Variants in CTIF observed in about 807,000 individuals in gnomAD.
The protein encoded by CTIF is cap binding complex dependent translation initiation factor.
CTIF carries 21 observed loss-of-function variants against 66.0 expected under a neutral mutation model. That is an observed-to-expected ratio of 0.32 (90% confidence interval 0.23 to 0.46). The LOEUF (loss-of-function observed/expected upper bound fraction) is 0.46. Among genes scored for constraint, CTIF ranks in the 20% least tolerant of loss-of-function variants. The probability of loss-of-function intolerance (pLI) is 1.00; values close to 1 mark genes in which losing one functional copy is unlikely to be tolerated. For synonymous variants in CTIF, 345 were observed against 326.4 expected, an observed-to-expected ratio of 1.06 and a Z score of -0.62; for missense variants, 739 against 812.7, an observed-to-expected ratio of 0.91 and a Z score of 1.10.
intron 1 of CTIF, among the ~76,000 whole-genome samples, chr18:48,618,760 G>A (rs1308012646): frequency 6.6e-6 from 1 of 152,216 alleles, no homozygotes; most frequent in Non-Finnish European, 1.5e-5. Flanking sequence ...TAGTGTTCCA[G>A]CCATAGCTGG....
At chr18:48,566,648 A>G (rs780606913) in intron 1 of CTIF, 2 of 152,146 alleles carry the variant, frequency 1.3e-5, no homozygotes, top group Non-Finnish European at 2.9e-5. Context: ...TGTCCCTCCC[A>G]TGCTCTGGGT....
At chr18:48,732,498 C>T (rs912810951) in intron 7 of CTIF, among the ~76,000 whole-genome samples, 1 of 152,178 alleles carries the variant, frequency 6.6e-6, no homozygotes, top group Non-Finnish European at 1.5e-5. Flanking sequence ...CACAGGGCAA[C>T]CACTGCCTCC....
At chr18:48,762,018 T>C (rs572943992) in intron 9 of CTIF, among the ~76,000 whole-genome samples, 30 of 152,330 alleles carry the variant, frequency 2.0e-4, no homozygotes, top group Admixed American at 1.7e-3. Context: ...CCTCTCTACA[T>C]CCAAGCAGAC....
At position 48,816,453 on chromosome 18, in the gene CTIF, A is replaced by G. The variant is rs146476251; in HGVS notation, c.1372-768A>G. On this transcript the variant is annotated intron_variant, in intron 9 of 11. Transcript: ENST00000256413. ...CCTGTGTGGTCTCCACACCTTAGCTATATTAACCTTTCTGTTGAGCACTGG... is the reference window on the plus strand; with the variant it reads ...CCTGTGTGGTCTCCACACCTTAGCTGTATTAACCTTTCTGTTGAGCACTGG... 9.0e-3 allele frequency among the ~76,000 whole-genome samples: 1,364 copies of G among 152,170 alleles called. 7 individuals are homozygous for G. The highest frequency in any genetic ancestry group is 0.014 in the Non-Finnish European group (943 of 67,994).
Position 48,761,454 on chromosome 18 carries a change from T to C in CTIF, c.1136T>C (p.Leu379Pro). 1.2e-6 allele frequency: 2 copies of C among 1,614,152 alleles called. No individual in the cohort carries two copies. The highest frequency in any genetic ancestry group is 1.7e-6 in the Non-Finnish European group (2 of 1,180,042). ...QNKMDKLIEILNSMRNNSSDV... is the reference protein window; with the variant it reads ...QNKMDKLIEIPNSMRNNSSDV... The stretch of plus-strand genomic sequence containing the variant: ...AAGATGGACAAGCTGATCGAGATCC[T>C]GAACAGCATGCGGAACAACAGCAGC... Residue 379 changes from leucine to proline, a missense_variant, in exon 9 of 12, where the codon CTG (leucine) becomes CCG (proline). Leu to Pro is a moderately conservative substitution (Grantham distance 98, BLOSUM62 -3). This residue lies in a region of CTIF where 529 missense variants were observed against 520.3 expected (regional missense o/e 1.02). Coordinates refer to ENST00000256413, the MANE Select transcript of CTIF (RefSeq NM_014772.3). This position sits in a 1 kb window ranked among gnomAD's most constrained non-coding sequence, Gnocchi z 4.2.
At chr18:48,777,559 C>T (rs535009770) in intron 9 of CTIF, among the ~76,000 whole-genome samples, 85 of 152,306 alleles carry the variant, frequency 5.6e-4, no homozygotes, top group Non-Finnish European at 9.7e-4. Flanking sequence ...GGAGGGCCAC[C>T]GAGGTCTCAG....
intron 9 of CTIF, among the ~76,000 whole-genome samples, chr18:48,785,351 G>C (rs972104100): frequency 7.9e-5 from 12 of 152,208 alleles, no homozygotes; most frequent in Non-Finnish European, 1.6e-4. Context: ...CCTGACTTGG[G>C]ATGCCGTTTC....
In CTIF at chr18:48,862,112, G is replaced by A. The variant is rs1435558843; in HGVS notation, c.*2553G>A. 1 of 151,962 alleles carries A rather than the reference G, an allele frequency of 6.6e-6. No individual in the cohort carries two copies. Among genetic ancestry groups the A allele is most frequent in the Non-Finnish European group, 1.5e-5 (1 of 67,988 alleles). The allele number at this position is 151,962 out of a possible 1,614,324, so 9.4% of individuals were successfully genotyped here. ...ATTTGAGACCCCGAGGCAGCTTCCC[G>A]AGGGAGACTGCTCAGACAGGAACTG... On this transcript the variant is annotated 3_prime_UTR_variant, in exon 12 of 12. Transcript: ENST00000256413.
Position 48,859,664 on chromosome 18 carries a change from T to G in CTIF, c.*105T>G. 1 of 1,068,458 alleles carries G rather than the reference T, an allele frequency of 9.4e-7. No homozygotes were observed. Among genetic ancestry groups the G allele is most frequent in the Non-Finnish European group, 1.4e-6 (1 of 699,888 alleles). 66.2% of individuals were successfully genotyped at this position (1,068,458 alleles called of 1,614,324 possible). On this transcript the variant is annotated 3_prime_UTR_variant, in exon 12 of 12. Coordinates refer to ENST00000256413, the MANE Select transcript of CTIF (RefSeq NM_014772.3). ...GGGTGGCCCTGGCGGGAGAAAGAAA[T>G]GGGGAGGAGGGCAGGCAGAGTCGGT...
chr18:48,618,263 T>G (rs919139084), intron 1 of CTIF, among the ~76,000 whole-genome samples: 6 of 152,236 alleles, frequency 3.9e-5, no homozygotes, highest in Admixed American at 1.3e-4. Flanking sequence ...AATGCTCCAT[T>G]AAACCTGCTA....
chr18:48,580,379 T>C (rs1231437856), intron 1 of CTIF, among the ~76,000 whole-genome samples: 1 of 152,070 alleles, frequency 6.6e-6, no homozygotes, highest in Admixed American at 6.5e-5. Flanking sequence ...CCAAGATATC[T>C]CTGTCTAGAT....
chr18:48,666,966 G>A (rs561332965), intron 5 of CTIF, among the ~76,000 whole-genome samples: 2 of 152,244 alleles, frequency 1.3e-5, no homozygotes, highest in South Asian at 2.1e-4. Context: ...ACAGTGTAGC[G>A]GAGCTTGGGT....
At chr18:48,709,259 T>G (rs992072450) in intron 6 of CTIF, among the ~76,000 whole-genome samples, 4 of 152,238 alleles carry the variant, frequency 2.6e-5, no homozygotes, top group African/African-American at 9.6e-5. Context: ...TGTCATGGTT[T>G]ATACACATAC....
At chr18:48,796,025 C>T (rs1048430852) in intron 9 of CTIF, among the ~76,000 whole-genome samples, 1 of 152,138 alleles carries the variant, frequency 6.6e-6, no homozygotes, top group Non-Finnish European at 1.5e-5. Flanking sequence ...GAGATGGAGT[C>T]TTGTCTGCCA....
At chr18:48,831,595 A>G (rs2068693074) in intron 10 of CTIF, among the ~76,000 whole-genome samples, 1 of 152,250 alleles carries the variant, frequency 6.6e-6, no homozygotes, top group South Asian at 2.1e-4. Flanking sequence ...CAGACCTTGA[A>G]GATGACGGAA....
At chr18:48,778,814 G>A (rs1890482088) in intron 9 of CTIF, among the ~76,000 whole-genome samples, 1 of 152,164 alleles carries the variant, frequency 6.6e-6, no homozygotes, top group Non-Finnish European at 1.5e-5. Flanking sequence ...GGCGTTCTGG[G>A]GGCATTCTCA....
At chr18:48,663,867 C>G (rs770998796) in intron 4 of CTIF, 42 bp downstream of exon 4, 1 of 1,573,178 alleles carries the variant, frequency 6.4e-7, no homozygotes, top group African/African-American at 1.4e-5. Flanking sequence ...TGAGGTCCAG[C>G]CGGGGAAACT....
intron 1 of CTIF, among the ~76,000 whole-genome samples, chr18:48,569,367 C>T (rs183924885): frequency 5.3e-5 from 8 of 151,620 alleles, no homozygotes; most frequent in Non-Finnish European, 1.2e-4. Context: ...GGTGGGGCCC[C>T]ACTGAGAAAG....
chr18:48,595,918 G>C (rs1383865272), intron 1 of CTIF, among the ~76,000 whole-genome samples: 1 of 152,174 alleles, frequency 6.6e-6, no homozygotes, highest in Non-Finnish European at 1.5e-5. Context: ...GTTGTCCACA[G>C]TTCCTCTCCA....
Sources: gnomAD v4.1 joint callset for allele counts (sites outside exome capture counted in the v4.1 genomes callset) on GRCh38, gnomAD v4.1.1 for gene constraint, gnomAD v4.1.1 regional missense constraint, Gnocchi (gnomAD v3.1) non-coding constraint, MANE v1.5 for transcripts, NCBI Gene and HGNC (gene_info 2026-07-23, HGNC 2026-07-21) for gene names.